Variants in ARHGAP26 observed in about 807,000 individuals in gnomAD.
ARHGAP26 encodes rho GTPase-activating protein 26.
Under a neutral mutation model 104.8 loss-of-function variants are expected in ARHGAP26, and 38 were observed. The ratio of observed to expected loss-of-function variants is 0.36; its 90% CI spans 0.28 to 0.48. The LOEUF (loss-of-function observed/expected upper bound fraction) is 0.48. ARHGAP26 is among the 20% of genes least tolerant of loss of function. The probability of loss-of-function intolerance (pLI) is 0.99; values close to 1 mark genes in which losing one functional copy is unlikely to be tolerated. For synonymous variants in ARHGAP26, 341 were observed against 340.0 expected (o/e 1.00, Z -0.03); for missense variants, 704 against 947.9 (o/e 0.74, Z 3.38).
chr5:143,071,761 A>G (rs1388574948), intron 17 of ARHGAP26, among the ~76,000 whole-genome samples: 1 of 151,906 alleles, frequency 6.6e-6, no homozygotes, highest in Non-Finnish European at 1.5e-5. Flanking sequence ...AAAATTAGCC[A>G]GGCGTGGTGG....
chr5:142,944,339 G>A (rs767157374), intron 11 of ARHGAP26, among the ~76,000 whole-genome samples: 1 of 152,102 alleles, frequency 6.6e-6, no homozygotes, highest in Non-Finnish European at 1.5e-5. Context: ...ACAACGGCTT[G>A]GAAATCCTTG....
intron 3 of ARHGAP26, among the ~76,000 whole-genome samples, chr5:142,878,223 G>A (rs371293475): frequency 7.9e-5 from 12 of 152,320 alleles, no homozygotes; most frequent in Admixed American, 5.2e-4. Context: ...ATAATTAGTT[G>A]AGCGAAGAGT....
chr5:142,842,326 G>A (rs1357563102), intron 1 of ARHGAP26, among the ~76,000 whole-genome samples: 2 of 152,204 alleles, frequency 1.3e-5, no homozygotes, highest in Admixed American at 6.5e-5. Flanking sequence ...AGAGAGGAGT[G>A]TGGAGTTATC....
intron 9 of ARHGAP26, among the ~76,000 whole-genome samples, chr5:142,912,542 G>A (rs1761966780): frequency 6.6e-6 from 1 of 152,152 alleles, no homozygotes. Context: ...AGTTCAACAT[G>A]TACAGCTTAT....
chr5:142,804,284 C>A (rs1023816116), intron 1 of ARHGAP26, among the ~76,000 whole-genome samples: 3 of 152,168 alleles, frequency 2.0e-5, no homozygotes, highest in Non-Finnish European at 4.4e-5. Flanking sequence ...AAATAACTTG[C>A]TATTCCGTAA....
intron 1 of ARHGAP26, among the ~76,000 whole-genome samples, chr5:142,796,571 A>C (rs1163920575): frequency 6.6e-6 from 1 of 152,256 alleles, no homozygotes; most frequent in Non-Finnish European, 1.5e-5. Context: ...TTCTGCTTTC[A>C]CTAAAACAGT....
intron 17 of ARHGAP26, among the ~76,000 whole-genome samples, chr5:143,101,380 C>T (rs1793208882): frequency 6.6e-6 from 1 of 152,210 alleles, no homozygotes; most frequent in African/African-American, 2.4e-5. Context: ...TGGCCCCATA[C>T]ACCTTCTATT....
At chr5:143,020,408 A>G (rs1189957247) in intron 12 of ARHGAP26, among the ~76,000 whole-genome samples, 1 of 152,064 alleles carries the variant, frequency 6.6e-6, no homozygotes, top group Non-Finnish European at 1.5e-5. Context: ...GCCCAATTAC[A>G]TCGTGTGGGT....
intron 1 of ARHGAP26, among the ~76,000 whole-genome samples, chr5:142,831,584 A>G (rs1033316388): frequency 2.0e-5 from 3 of 151,970 alleles, no homozygotes; most frequent in South Asian, 4.2e-4. Context: ...GCTCAGATCC[A>G]ACATGTCTCA....
chr5:142,817,892 T>C (rs896212399), intron 1 of ARHGAP26, among the ~76,000 whole-genome samples: 14 of 152,186 alleles, frequency 9.2e-5, no homozygotes, highest in African/African-American at 3.1e-4. Context: ...TACTTGGAGT[T>C]TGGGGAATCA....
chr5:142,972,251 G>T (rs1458963448), intron 11 of ARHGAP26, among the ~76,000 whole-genome samples: 1 of 151,896 alleles, frequency 6.6e-6, no homozygotes, highest in East Asian at 1.9e-4. Context: ...AGTGAGGGGT[G>T]ACTGCTATCT....
At chr5:142,821,342 A>C (rs1766147986) in intron 1 of ARHGAP26, among the ~76,000 whole-genome samples, 1 of 136,188 alleles carries the variant, frequency 7.3e-6, no homozygotes, top group African/African-American at 2.8e-5. Flanking sequence ...TTGGCATTTC[A>C]AGGACTGCCT....
rs955779778 is a variant in ARHGAP26, at chr5:142,953,386, C to T, written c.1107+21261C>T. On this transcript the variant is annotated intron_variant, in intron 11 of 22. Coordinates refer to ENST00000645722, the MANE Select transcript of ARHGAP26 (RefSeq NM_001135608.3). The stretch of plus-strand genomic sequence containing the variant: ...TCGTGTACCTTTTTCTAGCCCTGTA[C>T]GGTGCAGTGGTTAGTTATCTTAAAC... Among the ~76,000 whole-genome samples the T allele has an allele frequency of 1.3e-4, 20 of 152,266 alleles. No individual in the cohort carries two copies. In the Middle Eastern group the frequency reaches 0.01, roughly 78 times the overall value.
chr5:142,985,769 T>C (rs1184371511), intron 11 of ARHGAP26, among the ~76,000 whole-genome samples: 3 of 151,570 alleles, frequency 2.0e-5, no homozygotes, highest in Non-Finnish European at 1.5e-5. Context: ...TGGTTTTCTG[T>C]CCTTGCGATA....
chr5:142,835,753 C>G (rs1769424830), intron 1 of ARHGAP26, among the ~76,000 whole-genome samples: 1 of 152,154 alleles, frequency 6.6e-6, no homozygotes, highest in South Asian at 2.1e-4. Context: ...CCATGGTTAG[C>G]ACATGATACA....
intron 10 of ARHGAP26, among the ~76,000 whole-genome samples, chr5:142,923,287 A>G (rs921485205): frequency 1.3e-5 from 2 of 152,224 alleles, no homozygotes; most frequent in African/African-American, 2.4e-5. Flanking sequence ...TTCTAAATAT[A>G]AAATGAGTTT....
chr5:142,966,375 C>T (rs1393257240), intron 11 of ARHGAP26, among the ~76,000 whole-genome samples: 3 of 152,128 alleles, frequency 2.0e-5, no homozygotes, highest in Non-Finnish European at 2.9e-5. Context: ...CATACCTGAT[C>T]TCATTTTTTC....
intron 17 of ARHGAP26, among the ~76,000 whole-genome samples, chr5:143,099,528 A>T (rs924764712): frequency 2.0e-5 from 3 of 152,144 alleles, no homozygotes; most frequent in Non-Finnish European, 4.4e-5. Flanking sequence ...TTCAATAGGG[A>T]ATTTATTTTT....
chr5:142,913,787 AG>A (rs1762141307), intron 10 of ARHGAP26, among the ~76,000 whole-genome samples: 1 of 152,252 alleles, frequency 6.6e-6, no homozygotes, highest in Non-Finnish European at 1.5e-5. Flanking sequence ...GTGCGTGCCC[AG>A]GAAAGACACC....
Sources: allele counts gnomAD v4.1 joint callset (sites outside exome capture counted in the v4.1 genomes callset), GRCh38; gene constraint gnomAD v4.1.1; transcripts MANE v1.5; gene names NCBI Gene and HGNC (gene_info 2026-07-23, HGNC 2026-07-21).